Variants in CYB5R3 observed in about 807,000 individuals in gnomAD.
CYB5R3 encodes NADH-cytochrome b5 reductase 3.
CYB5R3 carries 28 observed loss-of-function variants against 36.5 expected under a neutral mutation model. The ratio of observed to expected loss-of-function variants is 0.77; its 90% CI spans 0.57 to 1.05. The LOEUF is 1.05. Ranked by LOEUF, CYB5R3 falls within the 50% of genes least tolerant of loss-of-function variation. The pLI is 0.00. For synonymous variants in CYB5R3, 181 were observed against 159.8 expected (o/e 1.13, Z -1.00); for missense variants, 474 against 408.9 (o/e 1.16, Z -1.37).
chr22:42,631,442 G>A lies in CYB5R3; in HGVS notation c.162C>T (p.Ser54=), dbSNP rs1569321327. The change falls in exon 3 of 9, where the codon AGC becomes AGT. Residue 54 remains serine (S), a synonymous_variant. Coordinates refer to ENST00000352397, the MANE Select transcript of CYB5R3 (RefSeq NM_000398.7). Reference sequence around the variant, plus strand: ...CAAAGCGGAAGCGCCGGGTGTCATGGCTGATGATCTGGAGAGAGGCCCAAA... The same window carrying A: ...CAAAGCGGAAGCGCCGGGTGTCATGACTGATGATCTGGAGAGAGGCCCAAA... The part of the protein sequence containing the change: ...PLRLIDREII[S]HDTRRFRFAL... The A allele has an allele frequency of 1.3e-6, 2 of 1,551,630 alleles. No homozygotes were observed. Among genetic ancestry groups the A allele is most frequent in the East Asian group, 2.4e-5 (1 of 40,918 alleles).
At position 42,637,731 on chromosome 22, in the gene CYB5R3, C is replaced by T. The variant is rs1027040129; in HGVS notation, c.22-885G>A. 5.9e-5 allele frequency among the ~76,000 whole-genome samples: 9 copies of T among 152,188 alleles called. No homozygotes were observed. In the East Asian group the frequency reaches 1.7e-3, roughly 29 times the overall value. The stretch of plus-strand genomic sequence containing the variant: ...ACGGGCACGGCTCTCGCAGCAACCC[C>T]GTGTGGTAGGCACTGTCATCACCAC... On this transcript the variant is annotated intron_variant, in intron 1 of 8. Transcript: ENST00000352397.
chr22:42,627,266 G>T, intron 7 of CYB5R3, 38 bp downstream of exon 7: 1 of 1,576,428 alleles, frequency 6.3e-7, no homozygotes, highest in Non-Finnish European at 8.7e-7. Context: ...CCCTCTCAGG[G>T]TAAGCTGAGT....
intron 4 of CYB5R3, among the ~76,000 whole-genome samples, chr22:42,629,502 A>G (rs1928494942): frequency 6.6e-6 from 1 of 152,162 alleles, no homozygotes; most frequent in Non-Finnish European, 1.5e-5. Context: ...TGGCTTCCCC[A>G]TGACTATGTG....
At chr22:42,641,160 T>C (rs898820058) in intron 1 of CYB5R3, among the ~76,000 whole-genome samples, 2 of 152,184 alleles carry the variant, frequency 1.3e-5, no homozygotes, top group Non-Finnish European at 2.9e-5. Context: ...CGGCCCCTTA[T>C]GATTTTTAAA....
chr22:42,625,469 A>G (rs1025000042), intron 7 of CYB5R3, among the ~76,000 whole-genome samples: 8 of 152,132 alleles, frequency 5.3e-5, no homozygotes, highest in African/African-American at 1.9e-4. Context: ...GATTCACGCC[A>G]TTGCACTCCA....
chr22:42,622,931 C>T (rs1928058986), intron 8 of CYB5R3, among the ~76,000 whole-genome samples: 1 of 152,234 alleles, frequency 6.6e-6, no homozygotes, highest in Admixed American at 6.5e-5. Context: ...CCAGAAAATG[C>T]AGGTCCCCAG....
rs530064017 is a variant in CYB5R3, at chr22:42,627,427, G to C, written c.548-38C>G. On this transcript the variant is annotated intron_variant, in intron 6 of 8. Coordinates refer to ENST00000352397, the MANE Select transcript of CYB5R3 (RefSeq NM_000398.7). ...CGGCCGGGCCTCGCACGTGCTGAGC[G>C]AGGCCTGTTCACAGGCACCGCCCCG... 6.3e-5 allele frequency: 101 copies of C among 1,601,862 alleles called. 3 individuals carry two copies. The South Asian group carries it at 1.0e-3, about 16-fold the overall frequency.
At position 42,628,199 on chromosome 22, in the gene CYB5R3, G is replaced by A; in HGVS notation, c.416C>T (p.Thr139Ile). ...QYLESMQIGD[T>I]IEFRGPSGLL... ...CCCACTGGGGCCCCGGAACTCAATGGTGTCTCCAATCTGCATGCTCTCCAG... is the reference window on the plus strand; with the variant it reads ...CCCACTGGGGCCCCGGAACTCAATGATGTCTCCAATCTGCATGCTCTCCAG... The change falls in exon 5 of 9, where the codon ACC becomes ATC. Residue 139 changes from threonine (T) to isoleucine (I), a missense_variant. Thr to Ile is a moderately conservative substitution (Grantham distance 89). Coordinates refer to ENST00000352397, the MANE Select transcript of CYB5R3 (RefSeq NM_000398.7). 6.2e-7 allele frequency: 1 copy of A among 1,614,030 alleles called. No individual in the cohort carries two copies. The highest frequency in any genetic ancestry group is 8.5e-7 in the Non-Finnish European group (1 of 1,179,948).
chr22:42,627,501 T>A, intron 6 of CYB5R3, 104 bp downstream of exon 6: 1 of 1,462,820 alleles, frequency 6.8e-7, no homozygotes, highest in Non-Finnish European at 9.5e-7. Context: ...CCTGGGCCCC[T>A]GACCTCTGGT....
chr22:42,629,871 T>G (rs1247788514), intron 4 of CYB5R3, among the ~76,000 whole-genome samples: 1 of 152,148 alleles, frequency 6.6e-6, no homozygotes, highest in Non-Finnish European at 1.5e-5. Flanking sequence ...GATCTTGGCT[T>G]ACTGCAACCT....
In CYB5R3 at chr22:42,649,362, GAGA is replaced by G; in HGVS notation, c.-50_-48del. On this transcript the variant is annotated 5_prime_UTR_variant, in exon 1 of 9. Coordinates refer to ENST00000352397, the MANE Select transcript of CYB5R3 (RefSeq NM_000398.7). ...CTCTGTCGCCGCCGCCGCCGCCGCC[GAGA>G]CCGTCGCGCCCGGGCCCGCGTCACT... is the stretch of plus-strand genomic sequence containing the variant. The G allele has an allele frequency of 1.3e-6, 1 of 761,228 alleles. No individual in the cohort carries two copies. The highest frequency in any genetic ancestry group is 1.6e-6 in the Non-Finnish European group (1 of 613,396). The allele number at this position is 761,228 out of a possible 1,614,324, so 47.2% of individuals were successfully genotyped here.
rs1927873638 is a variant in CYB5R3 at position 42,619,928 on chromosome 22, C to T, written c.751G>A (p.Gly251Ser). 2 of 1,603,626 alleles carry T rather than the reference C, an allele frequency of 1.2e-6. No individual in the cohort carries two copies. Among genetic ancestry groups the T allele is most frequent in the Non-Finnish European group, 1.7e-6 (2 of 1,174,988 alleles). Residue 251 changes from glycine (G) to serine (S), a missense_variant, in exon 9 of 9, where the codon GGC becomes AGC. Gly to Ser is a moderately conservative substitution (Grantham distance 56). Coordinates refer to ENST00000352397, the MANE Select transcript of CYB5R3 (RefSeq NM_000398.7). ...RAPEAWDYGQ[G>S]FVNEEMIRDH... ...CGGATCATCTCCTCATTCACGAAGCCCTGGCCGTAGTCCCAGGCTGTGGGG... is the reference window on the plus strand; with the variant it reads ...CGGATCATCTCCTCATTCACGAAGCTCTGGCCGTAGTCCCAGGCTGTGGGG...
At chr22:42,636,966 C>T in intron 1 of CYB5R3, 120 bp from the exon 2 acceptor site, 2 of 1,360,912 alleles carry the variant, frequency 1.5e-6, no homozygotes, top group Non-Finnish European at 2.0e-6. Context: ...ACCCTCTCCC[C>T]ACCACCCTCA....
intron 1 of CYB5R3, among the ~76,000 whole-genome samples, chr22:42,645,530 T>A (rs1403525352): frequency 2.0e-5 from 3 of 152,126 alleles, no homozygotes; most frequent in Non-Finnish European, 2.9e-5. Flanking sequence ...GTGGCTGAGC[T>A]GGGAGTCAAG....
intron 1 of CYB5R3, chr22:42,639,757 T>C (rs1929135900): frequency 5.2e-6 from 3 of 571,868 alleles, no homozygotes; most frequent in Non-Finnish European, 9.1e-6. Context: ...CTGAAATATT[T>C]AGGGGCAAAG....
Position 42,619,724 on chromosome 22 carries a change from C to T in CYB5R3, c.*49G>A. 2 of 1,513,852 alleles carry T rather than the reference C, an allele frequency of 1.3e-6. No homozygotes were observed. The highest frequency in any genetic ancestry group is 1.4e-5 in the African/African-American group (1 of 73,282). 93.8% of individuals were successfully genotyped at this position (1,513,852 alleles called of 1,614,324 possible). On this transcript the variant is annotated 3_prime_UTR_variant, in exon 9 of 9. Transcript: ENST00000352397. ...GGGGAGGTGACTGGGTGAGCGTGAACAGGGCGTGGGGTGCGCGGGGCGGGT... is the reference window on the plus strand; with the variant it reads ...GGGGAGGTGACTGGGTGAGCGTGAATAGGGCGTGGGGTGCGCGGGGCGGGT...
At chr22:42,641,999 C>T (rs1929300081) in intron 1 of CYB5R3, among the ~76,000 whole-genome samples, 1 of 152,162 alleles carries the variant, frequency 6.6e-6, no homozygotes, top group African/African-American at 2.4e-5. Flanking sequence ...TGGATATGCA[C>T]ACATGTAGTA....
chr22:42,642,116 CTT>C (rs11329559), intron 1 of CYB5R3, among the ~76,000 whole-genome samples: 147 of 146,876 alleles, frequency 1.0e-3, no homozygotes, highest in African/African-American at 9.5e-4. Flanking sequence ...CATAAGAGCT[CTT>C]TTTTTTTTTT....
intron 4 of CYB5R3, among the ~76,000 whole-genome samples, chr22:42,630,493 G>A (rs1361997409): frequency 6.6e-6 from 1 of 152,232 alleles, no homozygotes; most frequent in Non-Finnish European, 1.5e-5. Context: ...CTCGCAGCAG[G>A]GGCGTCTGTA....
Sources: gnomAD v4.1 joint callset for allele counts (sites outside exome capture counted in the v4.1 genomes callset) on GRCh38, gnomAD v4.1.1 for gene constraint, MANE v1.5 for transcripts, NCBI Gene and HGNC (gene_info 2026-07-23, HGNC 2026-07-21) for gene names.